CNTN5: variants seen among roughly 807,000 people sequenced by gnomAD.
CNTN5 encodes contactin 5.
Under a neutral mutation model 129.1 loss-of-function variants are expected in CNTN5, and 77 were observed. The ratio of observed to expected loss-of-function variants is 0.60; its 90% CI spans 0.50 to 0.72. The LOEUF (loss-of-function observed/expected upper bound fraction) is 0.72, where lower values mean the gene tolerates loss of function less well. Ranked by LOEUF, CNTN5 falls within the 30% of genes least tolerant of loss-of-function variation. CNTN5 has a pLI of 0.00. For missense variants in CNTN5, 1,478 were observed against 1,328.8 expected (o/e 1.11, Z -1.75); for synonymous variants, 509 against 465.6 (o/e 1.09, Z -1.20).
At chr11:99,242,264 A>C (rs547064300) in intron 1 of CNTN5, among the ~76,000 whole-genome samples, 40 of 152,278 alleles carry the variant, frequency 2.6e-4, no homozygotes, top group African/African-American at 6.7e-4. Flanking sequence ...TAGTATTTCA[A>C]TATTTGATTG....
rs200106855 is a variant in CNTN5, at chr11:100,297,619, C to T, written c.2315-6C>T. 2 of 1,603,532 alleles carry T rather than the reference C, an allele frequency of 1.2e-6. No individual in the cohort carries two copies. Among genetic ancestry groups the T allele is most frequent in the African/African-American group, 1.3e-5 (1 of 74,404 alleles). The stretch of plus-strand genomic sequence containing the variant: ...CTCCTCACTCTCCACCCATTTTTAT[C>T]CACAGTTCCGAAGACAGCACCCACC... On this transcript the variant is annotated splice_region_variant and splice_polypyrimidine_tract_variant and intron_variant, in intron 18 of 24. Coordinates refer to ENST00000524871, the MANE Select transcript of CNTN5 (RefSeq NM_014361.4).
chr11:99,626,503 G>T (rs1951137978), intron 3 of CNTN5, among the ~76,000 whole-genome samples: 2 of 152,004 alleles, frequency 1.3e-5, no homozygotes, highest in African/African-American at 4.8e-5. Context: ...TATCCCTCAA[G>T]TCCAGTGCAA....
At chr11:100,113,766 T>C (rs564502411) in intron 13 of CNTN5, among the ~76,000 whole-genome samples, 2 of 152,232 alleles carry the variant, frequency 1.3e-5, no homozygotes, top group African/African-American at 4.8e-5. Context: ...TATAAACACT[T>C]CAAATTACTT....
At chr11:99,474,180 A>G (rs2135285707) in intron 2 of CNTN5, among the ~76,000 whole-genome samples, 1 of 151,820 alleles carries the variant, frequency 6.6e-6, no homozygotes. Flanking sequence ...TATAAAAAAT[A>G]CTGTATTGTA....
At chr11:99,939,405 G>A (rs2136105703) in intron 7 of CNTN5, among the ~76,000 whole-genome samples, 1 of 152,132 alleles carries the variant, frequency 6.6e-6, no homozygotes. Context: ...CAAAATGATT[G>A]AGTAAAAAGA....
chr11:99,322,047 C>G (rs1865596073), intron 1 of CNTN5, among the ~76,000 whole-genome samples: 2 of 152,086 alleles, frequency 1.3e-5, no homozygotes, highest in Non-Finnish European at 2.9e-5. Flanking sequence ...TATGTCTATT[C>G]CCCAGATCTC....
chr11:99,072,895 C>T (rs1865396072), intron 1 of CNTN5, among the ~76,000 whole-genome samples: 1 of 152,084 alleles, frequency 6.6e-6, no homozygotes, highest in Admixed American at 6.6e-5. Flanking sequence ...CACCTTCTTC[C>T]CACCTCTAAA....
At chr11:99,609,040 A>G (rs994925294) in intron 3 of CNTN5, among the ~76,000 whole-genome samples, 1 of 152,184 alleles carries the variant, frequency 6.6e-6, no homozygotes, top group Non-Finnish European at 1.5e-5. Flanking sequence ...CCAGTTTCAC[A>G]TGACTATTCC....
intron 3 of CNTN5, among the ~76,000 whole-genome samples, chr11:99,586,021 TATATC>T (rs1949781273): frequency 6.6e-6 from 1 of 152,214 alleles, no homozygotes; most frequent in South Asian, 2.1e-4. Flanking sequence ...TCTATTATAA[TATATC>T]ATATCATTTA....
chr11:99,887,235 C>T (rs1231831535), intron 6 of CNTN5, among the ~76,000 whole-genome samples: 3 of 152,138 alleles, frequency 2.0e-5, no homozygotes, highest in Non-Finnish European at 2.9e-5. Flanking sequence ...AGATTTCCAC[C>T]GTGGTTTTGA....
At chr11:100,002,164 C>T (rs376112616) in intron 9 of CNTN5, 28 bp downstream of exon 9, 23 of 1,357,606 alleles carry the variant, frequency 1.7e-5, no homozygotes, top group Non-Finnish European at 2.3e-5. Context: ...CATAATTAAA[C>T]ACAATTTTTT....
chr11:99,849,760 TCATAACCAA>T (rs758492875), intron 6 of CNTN5, among the ~76,000 whole-genome samples: 1 of 152,194 alleles, frequency 6.6e-6, no homozygotes, highest in Non-Finnish European at 1.5e-5. Flanking sequence ...CATTTTATCC[TCATAACCAA>T]CATACGATTT....
chr11:100,291,268 A>T (rs1343618962), intron 18 of CNTN5, among the ~76,000 whole-genome samples: 3 of 151,962 alleles, frequency 2.0e-5, no homozygotes, highest in African/African-American at 7.3e-5. Flanking sequence ...GTATATACCC[A>T]ATGGACTATA....
At chr11:99,268,111 T>C (rs1485049174) in intron 1 of CNTN5, among the ~76,000 whole-genome samples, 1 of 152,024 alleles carries the variant, frequency 6.6e-6, no homozygotes, top group East Asian at 1.9e-4. Context: ...TTTAGGCAAG[T>C]TACTTAATCT....
At chr11:99,829,844 C>A (rs186409788) in intron 4 of CNTN5, among the ~76,000 whole-genome samples, 130 of 152,220 alleles carry the variant, frequency 8.5e-4, no homozygotes, top group Non-Finnish European at 1.6e-3. Flanking sequence ...TGAGTTAACA[C>A]CTCAGACACA....
chr11:99,625,581 A>C (rs1362079697), intron 3 of CNTN5, among the ~76,000 whole-genome samples: 4 of 152,168 alleles, frequency 2.6e-5, no homozygotes, highest in African/African-American at 9.7e-5. Flanking sequence ...AAATACATTA[A>C]GATATGTACA....
chr11:99,183,662 C>A (rs1858196058), intron 1 of CNTN5, among the ~76,000 whole-genome samples: 1 of 152,082 alleles, frequency 6.6e-6, no homozygotes, highest in Non-Finnish European at 1.5e-5. Context: ...CGGTTTTCTT[C>A]TCTTCCTTGA....
At chr11:99,499,945 T>G (rs1946366759) in intron 2 of CNTN5, among the ~76,000 whole-genome samples, 1 of 152,208 alleles carries the variant, frequency 6.6e-6, no homozygotes, top group Non-Finnish European at 1.5e-5. Flanking sequence ...AGAGTATTTA[T>G]GACTACTATT....
At chr11:99,147,301 G>C (rs1859836788) in intron 1 of CNTN5, among the ~76,000 whole-genome samples, 2 of 152,050 alleles carry the variant, frequency 1.3e-5, no homozygotes, top group Non-Finnish European at 2.9e-5. Flanking sequence ...TAAAAGCAAA[G>C]ACAGCTGAAG....
Sources: allele counts gnomAD v4.1 joint callset (sites outside exome capture counted in the v4.1 genomes callset), GRCh38; gene constraint gnomAD v4.1.1; transcripts MANE v1.5; gene names NCBI Gene and HGNC (gene_info 2026-07-23, HGNC 2026-07-21).